Variants in HES5 observed in about 807,000 individuals in gnomAD.
The protein encoded by HES5 is transcription factor HES-5.
HES5 carries 12 observed loss-of-function variants against 9.6 expected under a neutral mutation model. The ratio of observed to expected loss-of-function variants is 1.25; its 90% CI spans 0.80 to 2.03. The LOEUF (loss-of-function observed/expected upper bound fraction) is 2.03. HES5 is among the 30% of genes most tolerant of loss of function. The probability of loss-of-function intolerance (pLI) is 0.00; values close to 1 mark genes in which losing one functional copy is unlikely to be tolerated. For synonymous variants in HES5, 131 were observed against 102.4 expected, an observed-to-expected ratio of 1.28 and a Z score of -1.69; for missense variants, 255 against 218.6, an observed-to-expected ratio of 1.17 and a Z score of -1.05.
rs769954892 is a variant in HES5, at chr1:2,529,186, G to A, written c.*283C>T. 5.1e-4 allele frequency: 81 copies of A among 158,838 alleles called. No individual in the cohort carries two copies. Among genetic ancestry groups the A allele is most frequent in the Non-Finnish European group, 8.7e-4 (64 of 73,386 alleles). 9.8% of individuals were successfully genotyped at this position (158,838 alleles called of 1,614,324 possible). Reference sequence around the variant, plus strand: ...TATCATAGAACCCCGGGCGGCCGGGGACTTCCCAGAAGTCACTTGCTTAAA... The same window carrying A: ...TATCATAGAACCCCGGGCGGCCGGGAACTTCCCAGAAGTCACTTGCTTAAA... On this transcript the variant is annotated 3_prime_UTR_variant, in exon 3 of 3. Transcript: ENST00000378453. The surrounding 1 kb of genome is among the most constrained non-coding windows in gnomAD (Gnocchi z 4.5).
rs559739405 is a variant in HES5 at position 2,529,505 on chromosome 1, CGCGGCG to C, written c.459_464del (p.Ala154_Ala155del). The C allele has an allele frequency of 3.8e-6, 4 of 1,056,274 alleles. No homozygotes were observed. Among genetic ancestry groups the C allele is most frequent in the Non-Finnish European group, 3.4e-6 (3 of 876,652 alleles). The allele number at this position is 1,056,274 out of a possible 1,614,324, so 65.4% of individuals were successfully genotyped here. ...GCCAGAGGCCGCAGGCGGGCTGGTG[CGCGGCG>C]GCGGCGGCGGCGGTGGCCTTGGCGG... On this transcript the variant is annotated inframe_deletion, in exon 3 of 3. Transcript: ENST00000378453. The surrounding 1 kb of genome is among the most constrained non-coding windows in gnomAD (Gnocchi z 4.5).
In HES5 at chr1:2,528,990, T is replaced by A. The variant is rs969333764; in HGVS notation, c.*479A>T. On this transcript the variant is annotated 3_prime_UTR_variant, in exon 3 of 3. Coordinates refer to ENST00000378453, the MANE Select transcript of HES5 (RefSeq NM_001010926.4). ...TGGCCCTCAGGGTCCTGGACGCCCG[T>A]CCGGGGTGATCACTGTTTCCTATGA... 6.6e-6 allele frequency: 1 copy of A among 152,414 alleles called. No homozygotes were observed. The highest frequency in any genetic ancestry group is 1.5e-5 in the Non-Finnish European group (1 of 68,024). 9.4% of individuals were successfully genotyped at this position (152,414 alleles called of 1,614,324 possible).
In HES5 at chr1:2,529,703, G is replaced by T. The variant is rs1190028370; in HGVS notation, c.267C>A (p.Ser89Arg). Residue 89 changes from serine to arginine, a missense_variant, in exon 3 of 3, where the codon AGC (serine) becomes AGA (arginine). Transcript: ENST00000378453. This position sits in a 1 kb window ranked among gnomAD's most constrained non-coding sequence, Gnocchi z 4.5. ...AGPKSLHQDYSEGYSWCLQEA... is the reference protein window; with the variant it reads ...AGPKSLHQDYREGYSWCLQEA... Reference sequence around the variant, plus strand: ...CCTGCAGGCACCACGAGTAGCCTTCGCTGTAGTCCTGGTGCAGGCTCTTGG... The same window carrying T: ...CCTGCAGGCACCACGAGTAGCCTTCTCTGTAGTCCTGGTGCAGGCTCTTGG... 33 of 1,293,420 alleles carry T rather than the reference G, an allele frequency of 2.6e-5. No individual in the cohort carries two copies. The highest frequency in any genetic ancestry group is 3.3e-5 in the Non-Finnish European group (33 of 1,007,278). 80.1% of individuals were successfully genotyped at this position (1,293,420 alleles called of 1,614,324 possible). A position where few individuals can be genotyped will look rare whatever the true frequency, so the allele number is the denominator to read the frequency against.
rs1643977231 is a variant in HES5 at position 2,529,551 on chromosome 1, G to T, written c.419C>A (p.Pro140His). ...GGCCTTGGCGGAGAGCGCGGGCGGGGGCGCGGCGCCCGGCGCCTTGGGCTC... is the reference window on the plus strand; with the variant it reads ...GGCCTTGGCGGAGAGCGCGGGCGGGTGCGCGGCGCCCGGCGCCTTGGGCTC... ...AKEPKAPGAA[P>H]PPALSAKATA... The change falls in exon 3 of 3, where the codon CCC (proline) becomes CAC (histidine). Residue 140 changes from proline (P) to histidine (H), a missense_variant. By Grantham distance (77) the Pro-to-His change is moderately conservative (BLOSUM62 -2). Transcript: ENST00000378453. This position sits in a 1 kb window ranked among gnomAD's most constrained non-coding sequence, Gnocchi z 4.5. 1 of 1,074,722 alleles carries T rather than the reference G, an allele frequency of 9.3e-7. No individual in the cohort carries two copies. Among genetic ancestry groups the T allele is most frequent in the African/African-American group, 1.7e-5 (1 of 58,894 alleles). The allele number at this position is 1,074,722 out of a possible 1,614,324, so 66.6% of individuals were successfully genotyped here.
Position 2,528,935 on chromosome 1 carries a change from C to T in HES5, c.*534G>A, listed in dbSNP as rs1044028874. On this transcript the variant is annotated 3_prime_UTR_variant, in exon 3 of 3. Coordinates refer to ENST00000378453, the MANE Select transcript of HES5 (RefSeq NM_001010926.4). Reference sequence around the variant, plus strand: ...AGCCCACCGTGAGCCCCAGCCAGACCACCAGGCACACTCAGGAGCCTTTTG... The same window carrying T: ...AGCCCACCGTGAGCCCCAGCCAGACTACCAGGCACACTCAGGAGCCTTTTG... 1 of 152,634 alleles carries T rather than the reference C, an allele frequency of 6.6e-6. No homozygotes were observed. Among genetic ancestry groups the T allele is most frequent in the African/African-American group, 2.4e-5 (1 of 41,454 alleles). The allele number at this position is 152,634 out of a possible 1,614,324, so 9.5% of individuals were successfully genotyped here. A position where few individuals can be genotyped will look rare whatever the true frequency, so the allele number is the denominator to read the frequency against.
At position 2,530,242 on chromosome 1, in the gene HES5, C is replaced by G; in HGVS notation, c.-78G>C. ...GCGAGCGGGCGCGGGCAAGGCCAAG[C>G]GCGTCCCGGGCTGGCGCGGACACCG... On this transcript the variant is annotated 5_prime_UTR_variant, in exon 1 of 3. Coordinates refer to ENST00000378453, the MANE Select transcript of HES5 (RefSeq NM_001010926.4). The G allele has an allele frequency of 1.6e-6, 2 of 1,255,026 alleles. No homozygotes were observed. The highest frequency in any genetic ancestry group is 2.0e-6 in the Non-Finnish European group (2 of 984,692). The allele number at this position is 1,255,026 out of a possible 1,614,324, so 77.7% of individuals were successfully genotyped here.
At position 2,529,691 on chromosome 1, in the gene HES5, C is replaced by A; in HGVS notation, c.279G>T (p.Ser93=). 7.6e-7 allele frequency: 1 copy of A among 1,309,066 alleles called. No homozygotes were observed. Among genetic ancestry groups the A allele is most frequent in the Non-Finnish European group, 9.9e-7 (1 of 1,014,486 alleles). The allele number at this position is 1,309,066 out of a possible 1,614,324, so 81.1% of individuals were successfully genotyped here. A position where few individuals can be genotyped will look rare whatever the true frequency, so the allele number is the denominator to read the frequency against. ...SLHQDYSEGY[S]WCLQEAVQFL... is the part of the protein sequence containing the mutation. ...ACTGCACGGCCTCCTGCAGGCACCA[C>A]GAGTAGCCTTCGCTGTAGTCCTGGT... Residue 93 remains serine, a synonymous_variant, in exon 3 of 3, where the codon TCG becomes TCT. Transcript: ENST00000378453. This position sits in a 1 kb window ranked among gnomAD's most constrained non-coding sequence, Gnocchi z 4.5.
chr1:2,530,235 G>A lies in HES5; in HGVS notation c.-71C>T, dbSNP rs530012346. On this transcript the variant is annotated 5_prime_UTR_variant, in exon 1 of 3. Coordinates refer to ENST00000378453, the MANE Select transcript of HES5 (RefSeq NM_001010926.4). ...AGACGAGGCGAGCGGGCGCGGGCAAGGCCAAGCGCGTCCCGGGCTGGCGCG... is the reference window on the plus strand; with the variant it reads ...AGACGAGGCGAGCGGGCGCGGGCAAAGCCAAGCGCGTCCCGGGCTGGCGCG... The A allele has an allele frequency of 1.5e-5, 19 of 1,278,860 alleles. No homozygotes were observed. The highest frequency in any genetic ancestry group is 1.2e-4 in the South Asian group (5 of 41,752). 79.2% of individuals were successfully genotyped at this position (1,278,860 alleles called of 1,614,324 possible).
rs1643988374 is a variant in HES5 at position 2,530,154 on chromosome 1, C to G, written c.11G>C (p.Ser4Thr). 4.6e-6 allele frequency: 7 copies of G among 1,522,922 alleles called. No homozygotes were observed. The East Asian group carries it at 1.9e-4, about 40-fold the overall frequency. The allele number at this position is 1,522,922 out of a possible 1,614,324, so 94.3% of individuals were successfully genotyped here. ...GCTGAGCAGCTCCACGGCCACAGTG[C>G]TGGGGGCCATGCCTGGCGCGGAACA... MAPSTVAVELLSPK... is the reference protein window; with the variant it reads MAPTTVAVELLSPK... Residue 4 changes from serine to threonine, a missense_variant, in exon 1 of 3, where the codon AGC becomes ACC. Transcript: ENST00000378453.
Position 2,530,109 on chromosome 1 carries a change from A to G in HES5, c.54+2T>C, listed in dbSNP as rs1272860948. On this transcript the variant is annotated splice_donor_variant, in intron 1 of 2. Transcript: ENST00000378453. LOFTEE classifies it high-confidence loss of function. ...AGCGCGCCGGGCGAGTCTGGTACTT[A>G]CTCGGTTTTTCTCTTTGGGGCTGAG... 6.3e-7 allele frequency: 1 copy of G among 1,575,044 alleles called. No individual in the cohort carries two copies.
In HES5 at chr1:2,529,837, C is replaced by A. The variant is rs1411005927; in HGVS notation, c.220+9G>T. On this transcript the variant is annotated intron_variant, in intron 2 of 2. Transcript: ENST00000378453. This position sits in a 1 kb window ranked among gnomAD's most constrained non-coding sequence, Gnocchi z 4.5. ...GAACTCGGGGCGCGGGGGGCCCGGGCGCGCTCACCTTTGCTGTGCTTCAGG... is the reference window on the plus strand; with the variant it reads ...GAACTCGGGGCGCGGGGGGCCCGGGAGCGCTCACCTTTGCTGTGCTTCAGG... 5.6e-6 allele frequency: 8 copies of A among 1,439,672 alleles called. No individual in the cohort carries two copies. In the South Asian group the frequency reaches 9.2e-5, roughly 17 times the overall value. 89.2% of individuals were successfully genotyped at this position (1,439,672 alleles called of 1,614,324 possible). A position where few individuals can be genotyped will look rare whatever the true frequency, so the allele number is the denominator to read the frequency against.
At position 2,529,729 on chromosome 1, in the gene HES5, G is replaced by A. The variant is rs745424451; in HGVS notation, c.241C>T (p.Pro81Ser). The A allele has an allele frequency of 8.0e-7, 1 of 1,248,552 alleles. No individual in the cohort carries two copies. Among genetic ancestry groups the A allele is most frequent in the African/African-American group, 1.6e-5 (1 of 63,100 alleles). The allele number at this position is 1,248,552 out of a possible 1,614,324, so 77.3% of individuals were successfully genotyped here. A position where few individuals can be genotyped will look rare whatever the true frequency, so the allele number is the denominator to read the frequency against. Residue 81 changes from proline to serine, a missense_variant, in exon 3 of 3, where the codon CCC becomes TCC. Pro to Ser is a moderately conservative substitution (Grantham distance 74). Transcript: ENST00000378453. This position sits in a 1 kb window ranked among gnomAD's most constrained non-coding sequence, Gnocchi z 4.5. ...CTGTAGTCCTGGTGCAGGCTCTTGG[G>A]GCCGGCGGCGGCGACGAAGGCTGCG... The part of the protein sequence containing the change: ...HSKAFVAAAG[P>S]KSLHQDYSEG...
Position 2,529,657 on chromosome 1 carries a change from G to T in HES5, c.313C>A (p.Leu105Ile). ...CLQEAVQFLTLHAASDTQMKL... is the reference protein window; with the variant it reads ...CLQEAVQFLTIHAASDTQMKL... Reference sequence around the variant, plus strand: ...ATCTGCGTGTCGCTGGCGGCGTGGAGCGTCAGGAACTGCACGGCCTCCTGC... The same window carrying T: ...ATCTGCGTGTCGCTGGCGGCGTGGATCGTCAGGAACTGCACGGCCTCCTGC... Residue 105 changes from leucine to isoleucine, a missense_variant, in exon 3 of 3, where the codon CTC (leucine) becomes ATC (isoleucine). Coordinates refer to ENST00000378453, the MANE Select transcript of HES5 (RefSeq NM_001010926.4). This position sits in a 1 kb window ranked among gnomAD's most constrained non-coding sequence, Gnocchi z 4.5. 1 of 1,326,002 alleles carries T rather than the reference G, an allele frequency of 7.5e-7. No homozygotes were observed. The allele number at this position is 1,326,002 out of a possible 1,614,324, so 82.1% of individuals were successfully genotyped here.
In HES5 at chr1:2,529,782, G is replaced by GCGGGGCGCGGGGGAGC; in HGVS notation, c.220+48_221-34dup. 8.0e-7 allele frequency: 1 copy of GCGGGGCGCGGGGGAGC among 1,254,014 alleles called. No individual in the cohort carries two copies. Among genetic ancestry groups the GCGGGGCGCGGGGGAGC allele is most frequent in the Non-Finnish European group, 1.0e-6 (1 of 994,412 alleles). 77.7% of individuals were successfully genotyped at this position (1,254,014 alleles called of 1,614,324 possible). A position where few individuals can be genotyped will look rare whatever the true frequency, so the allele number is the denominator to read the frequency against. ...GAGACGCGGCGGCGGTGAGCGGGCG[G>GCGGGGCGCGGGGGAGC]CGGGGCGCGGGGGAGCCGGGGCGCG... On this transcript the variant is annotated intron_variant, in intron 2 of 2. Coordinates refer to ENST00000378453, the MANE Select transcript of HES5 (RefSeq NM_001010926.4). This position sits in a 1 kb window ranked among gnomAD's most constrained non-coding sequence, Gnocchi z 4.5.
chr1:2,529,670 C>A lies in HES5; in HGVS notation c.300G>T (p.Val100=). ...TGGCGGCGTGGAGCGTCAGGAACTG[C>A]ACGGCCTCCTGCAGGCACCACGAGT... The part of the protein sequence containing the change: ...EGYSWCLQEA[V]QFLTLHAASD... Residue 100 remains valine, a synonymous_variant, in exon 3 of 3, where the codon GTG becomes GTT. Transcript: ENST00000378453. This position sits in a 1 kb window ranked among gnomAD's most constrained non-coding sequence, Gnocchi z 4.5. 10 of 1,324,938 alleles carry A rather than the reference C, an allele frequency of 7.5e-6. No individual in the cohort carries two copies. Among genetic ancestry groups the A allele is most frequent in the Non-Finnish European group, 7.8e-6 (8 of 1,019,880 alleles). The allele number at this position is 1,324,938 out of a possible 1,614,324, so 82.1% of individuals were successfully genotyped here. A position where few individuals can be genotyped will look rare whatever the true frequency, so the allele number is the denominator to read the frequency against.
At position 2,529,720 on chromosome 1, in the gene HES5, G is replaced by A. The variant is rs1643980223; in HGVS notation, c.250C>T (p.Leu84=). The A allele has an allele frequency of 6.4e-6, 8 of 1,255,284 alleles. No individual in the cohort carries two copies. Among genetic ancestry groups the A allele is most frequent in the Non-Finnish European group, 8.1e-6 (8 of 989,106 alleles). 77.8% of individuals were successfully genotyped at this position (1,255,284 alleles called of 1,614,324 possible). The change falls in exon 3 of 3, where the codon CTG becomes TTG. Residue 84 remains leucine (L), a synonymous_variant. Coordinates refer to ENST00000378453, the MANE Select transcript of HES5 (RefSeq NM_001010926.4). This position sits in a 1 kb window ranked among gnomAD's most constrained non-coding sequence, Gnocchi z 4.5. ...TAGCCTTCGCTGTAGTCCTGGTGCA[G>A]GCTCTTGGGGCCGGCGGCGGCGACG... The part of the protein sequence containing the change: ...AFVAAAGPKS[L]HQDYSEGYSW...
At position 2,529,859 on chromosome 1, in the gene HES5, C is replaced by T; in HGVS notation, c.207G>A (p.Leu69=). The T allele has an allele frequency of 1.9e-6, 3 of 1,591,196 alleles. No homozygotes were observed. The highest frequency in any genetic ancestry group is 2.6e-6 in the Non-Finnish European group (3 of 1,168,728). ...GGGCGCGCTCACCTTTGCTGTGCTT[C>T]AGGTAGCTGACAGCCATCTCCAGGA... is the stretch of plus-strand genomic sequence containing the variant. ...ADILEMAVSY[L]KHSKAFVAAA... The change falls in exon 2 of 3, where the codon CTG becomes CTA. Residue 69 remains leucine (L), a synonymous_variant. Coordinates refer to ENST00000378453, the MANE Select transcript of HES5 (RefSeq NM_001010926.4). The surrounding 1 kb of genome is among the most constrained non-coding windows in gnomAD (Gnocchi z 4.5).
rs1643979092 is a variant in HES5 at position 2,529,639 on chromosome 1, T to C, written c.331A>G (p.Thr111Ala). The change falls in exon 3 of 3, where the codon ACG becomes GCG. Residue 111 changes from threonine (T) to alanine (A), a missense_variant. Thr to Ala is a moderately conservative substitution (Grantham distance 58, BLOSUM62 0). Coordinates refer to ENST00000378453, the MANE Select transcript of HES5 (RefSeq NM_001010926.4). The surrounding 1 kb of genome is among the most constrained non-coding windows in gnomAD (Gnocchi z 4.5). ...QFLTLHAASD[T>A]QMKLLYHFQR... ...AAGTGGTACAGCAGCTTCATCTGCG[T>C]GTCGCTGGCGGCGTGGAGCGTCAGG... 1 of 1,311,732 alleles carries C rather than the reference T, an allele frequency of 7.6e-7. No individual in the cohort carries two copies. Among genetic ancestry groups the C allele is most frequent in the Non-Finnish European group, 9.9e-7 (1 of 1,011,362 alleles). The allele number at this position is 1,311,732 out of a possible 1,614,324, so 81.3% of individuals were successfully genotyped here. A position where few individuals can be genotyped will look rare whatever the true frequency, so the allele number is the denominator to read the frequency against.
chr1:2,529,576 C>T lies in HES5; in HGVS notation c.394G>A (p.Glu132Lys), dbSNP rs2100811458. The stretch of plus-strand genomic sequence containing the variant: ...GGCGCGGCGCCCGGCGCCTTGGGCT[C>T]CTTGGCGGGCGCGGCGGGCGCGGCC... ...PPAAPAAPAK[E>K]PKAPGAAPPP... Residue 132 changes from glutamate to lysine, a missense_variant, in exon 3 of 3, where the codon GAG becomes AAG. By Grantham distance (56) the Glu-to-Lys change is moderately conservative. Transcript: ENST00000378453. The surrounding 1 kb of genome is among the most constrained non-coding windows in gnomAD (Gnocchi z 4.5). 2 of 1,157,204 alleles carry T rather than the reference C, an allele frequency of 1.7e-6. No individual in the cohort carries two copies. Among genetic ancestry groups the T allele is most frequent in the Non-Finnish European group, 2.1e-6 (2 of 931,070 alleles). The allele number at this position is 1,157,204 out of a possible 1,614,324, so 71.7% of individuals were successfully genotyped here.
Sources: allele counts gnomAD v4.1 joint callset, GRCh38; gene constraint gnomAD v4.1.1; non-coding constraint Gnocchi (gnomAD v3.1); transcripts MANE v1.5; gene names NCBI Gene and HGNC (gene_info 2026-07-23, HGNC 2026-07-21).